UBE2U: variants seen among roughly 807,000 people sequenced by gnomAD.
The protein encoded by UBE2U is ubiquitin conjugating enzyme E2 U.
A neutral mutation model predicts 41.2 loss-of-function variants in UBE2U; 39 were observed. The observed-to-expected ratio is 0.95, with a 90% CI of 0.73 to 1.24. The LOEUF is 1.24. UBE2U is among the 50% of genes most tolerant of loss of function. UBE2U has a pLI of 0.00. For missense variants in UBE2U, 336 were observed against 363.1 expected, an observed-to-expected ratio of 0.93 and a Z score of 0.61; for synonymous variants, 107 against 117.8, an observed-to-expected ratio of 0.91 and a Z score of 0.60.
chr1:64,238,471 A>G (rs1644712028), intron 7 of UBE2U, among the ~76,000 whole-genome samples: 2 of 152,044 alleles, frequency 1.3e-5, no homozygotes, highest in Non-Finnish European at 2.9e-5. Flanking sequence ...ATCTAAAGGA[A>G]ATAATGAGAC....
In UBE2U at chr1:64,239,703, A is replaced by C. The variant is rs546022772; in HGVS notation, c.596-1949A>C. ...TCCCTACAAAGTACATGAACTCATCATTTTTTATGGCTGCATAGTATTCCA... is the reference window on the plus strand; with the variant it reads ...TCCCTACAAAGTACATGAACTCATCCTTTTTTATGGCTGCATAGTATTCCA... On this transcript the variant is annotated intron_variant, in intron 7 of 9. Transcript: ENST00000371077. Among the ~76,000 whole-genome samples, 3 of 152,062 alleles carry C rather than the reference A, an allele frequency of 2.0e-5. 1 individual carries two copies. The South Asian group carries it at 6.2e-4, about 32-fold the overall frequency.
At chr1:64,259,645 C>T (rs1385429467) in intron 8 of UBE2U, among the ~76,000 whole-genome samples, 1 of 151,918 alleles carries the variant, frequency 6.6e-6, no homozygotes, top group Non-Finnish European at 1.5e-5. Flanking sequence ...TTCAAGAAAA[C>T]TTTGTTGCCA....
intron 3 of UBE2U, among the ~76,000 whole-genome samples, chr1:64,209,156 T>C (rs1023802129): frequency 1.3e-5 from 2 of 152,236 alleles, no homozygotes; most frequent in Non-Finnish European, 2.9e-5. Context: ...CAAAATTAAT[T>C]ACATACGTGT....
intron 7 of UBE2U, among the ~76,000 whole-genome samples, chr1:64,239,157 A>AAGAAGAAGAAGAAGAGAAGAAGAAGAAG: frequency 2.7e-5 from 1 of 37,070 alleles, no homozygotes; most frequent in East Asian, 1.0e-3. Context: ...GAAGAAGAAG[A>AAGAAGAAGAAGAAGAGAAGAAGAAGAAG]AAGAAGAAGA....
intron 7 of UBE2U, among the ~76,000 whole-genome samples, chr1:64,238,847 C>T (rs1042732051): frequency 4.0e-5 from 6 of 151,654 alleles, no homozygotes; most frequent in African/African-American, 1.5e-4. Flanking sequence ...TTTGAGATCA[C>T]CCTGGGCAAA....
At chr1:64,220,735 G>T in intron 5 of UBE2U, 124 bp from the exon 6 acceptor site, 1 of 764,156 alleles carries the variant, frequency 1.3e-6, no homozygotes, top group Non-Finnish European at 2.1e-6. Context: ...TGCTCTCCTT[G>T]AGATTTTATA....
chr1:64,224,722 CAAAAAA>C (rs5774690), intron 6 of UBE2U, among the ~76,000 whole-genome samples: 1 of 133,202 alleles, frequency 7.5e-6, no homozygotes, highest in African/African-American at 2.9e-5. Context: ...GACTCTGTGT[CAAAAAA>C]AAAAAAAAAA....
chr1:64,253,708 A>G (rs779900596), intron 8 of UBE2U, among the ~76,000 whole-genome samples: 23 of 152,292 alleles, frequency 1.5e-4, no homozygotes, highest in Non-Finnish European at 2.6e-4. Flanking sequence ...CAGAAAAGCA[A>G]ATGCTGAGGG....
At chr1:64,227,914 TAA>T (rs1173912263) in intron 6 of UBE2U, among the ~76,000 whole-genome samples, 25 of 152,154 alleles carry the variant, frequency 1.6e-4, no homozygotes, top group African/African-American at 5.3e-4. Context: ...AGAGAAAATT[TAA>T]AAGACTTAAA....
At chr1:64,261,049 G>C (rs1300101834) in intron 9 of UBE2U, among the ~76,000 whole-genome samples, 2 of 152,154 alleles carry the variant, frequency 1.3e-5, no homozygotes, top group Non-Finnish European at 2.9e-5. Flanking sequence ...ATATTCAAAG[G>C]TATATGCAAT....
At chr1:64,205,786 T>C in intron 2 of UBE2U, 66 bp downstream of exon 2, 1 of 1,321,902 alleles carries the variant, frequency 7.6e-7, no homozygotes, top group Non-Finnish European at 1.1e-6. Context: ...CCCATCCTCT[T>C]TTTATGTAGG....
At chr1:64,219,062 G>A (rs1652233934) in intron 5 of UBE2U, among the ~76,000 whole-genome samples, 1 of 152,068 alleles carries the variant, frequency 6.6e-6, no homozygotes, top group African/African-American at 2.4e-5. Flanking sequence ...TTTTCCTTGT[G>A]GTTGGTTTTG....
chr1:64,222,814 G>A (rs994173371), intron 6 of UBE2U, among the ~76,000 whole-genome samples: 2 of 152,346 alleles, frequency 1.3e-5, no homozygotes, highest in Admixed American at 6.5e-5. Context: ...ATTACTTCAT[G>A]AGCTGGAAGA....
At chr1:64,209,319 CT>C (rs897048973) in intron 3 of UBE2U, among the ~76,000 whole-genome samples, 13 of 151,402 alleles carry the variant, frequency 8.6e-5, no homozygotes, top group East Asian at 7.8e-4. Flanking sequence ...TGTGACTGCT[CT>C]TTTTTTTTCC....
At chr1:64,235,801 C>T (rs1644656248) in intron 7 of UBE2U, among the ~76,000 whole-genome samples, 1 of 151,986 alleles carries the variant, frequency 6.6e-6, no homozygotes, top group Non-Finnish European at 1.5e-5. Context: ...GAAGTATGCT[C>T]CTATATATTT....
intron 8 of UBE2U, among the ~76,000 whole-genome samples, chr1:64,250,142 T>TTA (rs1557742081): frequency 6.6e-6 from 1 of 152,146 alleles, no homozygotes; most frequent in African/African-American, 2.4e-5. Context: ...TTGAAAGAAA[T>TTA]TATTAAACAT....
intron 5 of UBE2U, among the ~76,000 whole-genome samples, chr1:64,218,171 A>G (rs1652161235): frequency 6.6e-6 from 1 of 152,184 alleles, no homozygotes; most frequent in African/African-American, 2.4e-5. Flanking sequence ...GTTCAAGAAC[A>G]TGAGCTTTTT....
chr1:64,229,980 C>T (rs993588156), intron 6 of UBE2U, among the ~76,000 whole-genome samples: 1 of 152,178 alleles, frequency 6.6e-6, no homozygotes, highest in Non-Finnish European at 1.5e-5. Context: ...AAATTAAACT[C>T]GTATTTTACT....
At chr1:64,247,189 G>T (rs1570113837) in intron 8 of UBE2U, among the ~76,000 whole-genome samples, 1 of 150,576 alleles carries the variant, frequency 6.6e-6, no homozygotes, top group South Asian at 2.1e-4. Context: ...TTCTTTATTG[G>T]TTCCCTCTTA....
Sources: allele counts gnomAD v4.1 joint callset (sites outside exome capture counted in the v4.1 genomes callset), GRCh38; gene constraint gnomAD v4.1.1; transcripts MANE v1.5; gene names NCBI Gene and HGNC (gene_info 2026-07-23, HGNC 2026-07-21).